CATSPERD: variants seen among roughly 807,000 people sequenced by gnomAD.
CATSPERD encodes catsper channel auxiliary subunit delta.
CATSPERD carries 86 observed loss-of-function variants against 98.1 expected under a neutral mutation model. The observed-to-expected ratio is 0.88, with a 90% CI of 0.74 to 1.05. The LOEUF is 1.05. CATSPERD is among the 50% of genes least tolerant of loss of function. The pLI, the probability that CATSPERD is intolerant of heterozygous loss-of-function variation, is 0.00. For synonymous variants in CATSPERD, 394 were observed against 390.2 expected, an observed-to-expected ratio of 1.01 and a Z score of -0.12; for missense variants, 995 against 1,005.7, an observed-to-expected ratio of 0.99 and a Z score of 0.14.
At chr19:5,778,065 G>A (rs1423688964) in intron 21 of CATSPERD, among the ~76,000 whole-genome samples, 1 of 151,744 alleles carries the variant, frequency 6.6e-6, no homozygotes, top group Non-Finnish European at 1.5e-5. Context: ...AATTAGCCAG[G>A]CATGGTTGGC....
intron 6 of CATSPERD, among the ~76,000 whole-genome samples, chr19:5,738,376 G>T (rs965469776): frequency 6.9e-6 from 1 of 145,962 alleles, no homozygotes; most frequent in Non-Finnish European, 1.5e-5. Context: ...AAAAAGAAAA[G>T]AAAAAAATAG....
In CATSPERD at chr19:5,748,196, A is replaced by G; in HGVS notation, c.845A>G (p.Asp282Gly). Residue 282 changes from aspartate (D) to glycine (G), a missense_variant, in exon 10 of 22, where the codon GAC becomes GGC. Asp to Gly is a moderately conservative substitution (Grantham distance 94). Around this residue, in one of 3 missense-constraint regions of CATSPERD, gnomAD observed 762 missense variants for 773.7 expected, o/e 0.98. Transcript: ENST00000381624. The part of the protein sequence containing the change: ...LVDTVRVKKG[D>G]QTLFSSIFEA... Reference sequence around the variant, plus strand: ...GACACCGTCCGGGTGAAAAAAGGAGACCAGACCTTGTTTTCTTCCATTTTT... The same window carrying G: ...GACACCGTCCGGGTGAAAAAAGGAGGCCAGACCTTGTTTTCTTCCATTTTT... The G allele has an allele frequency of 6.2e-7, 1 of 1,613,776 alleles. No individual in the cohort carries two copies. The highest frequency in any genetic ancestry group is 8.5e-7 in the Non-Finnish European group (1 of 1,179,950).
chr19:5,772,590 A>G (rs1599598546), intron 19 of CATSPERD, among the ~76,000 whole-genome samples, 198 bp from the exon 20 acceptor site: 1 of 151,590 alleles, frequency 6.6e-6, no homozygotes, highest in East Asian at 1.9e-4. Flanking sequence ...CCATCTCCCC[A>G]TGCACCCAGC....
chr19:5,737,245 C>A, intron 6 of CATSPERD, 40 bp downstream of exon 6: 1 of 1,340,876 alleles, frequency 7.5e-7, no homozygotes, highest in South Asian at 1.2e-5. Flanking sequence ...TTTTTGCTCT[C>A]CTCTGAACAC....
chr19:5,772,052 C>CTTTTTTTTTTTT (rs745956659), intron 19 of CATSPERD: 2 of 91,328 alleles, frequency 2.2e-5, no homozygotes, highest in African/African-American at 4.3e-5. Flanking sequence ...TTCCTTTTTT[C>CTTTTTTTTTTTT]TTTTTTTTTT....
chr19:5,742,348 G>A (rs1451517200), intron 7 of CATSPERD, among the ~76,000 whole-genome samples: 1 of 151,698 alleles, frequency 6.6e-6, no homozygotes, highest in East Asian at 1.9e-4. Context: ...ACATGTGTGT[G>A]TGTGCATGTA....
At chr19:5,735,205 T>C (rs971348438) in intron 5 of CATSPERD, among the ~76,000 whole-genome samples, 1 of 152,134 alleles carries the variant, frequency 6.6e-6, no homozygotes, top group African/African-American at 2.4e-5. Context: ...TGGCCCAGTC[T>C]TGGCTCACTG....
At chr19:5,762,910 TAGAG>T (rs2145831263) in intron 15 of CATSPERD, among the ~76,000 whole-genome samples, 1 of 149,760 alleles carries the variant, frequency 6.7e-6, no homozygotes, top group South Asian at 2.1e-4. Flanking sequence ...ATTGGATGGA[TAGAG>T]AGATGAATAG....
At chr19:5,775,526 G>A (rs866652617) in intron 20 of CATSPERD, among the ~76,000 whole-genome samples, 1 of 150,798 alleles carries the variant, frequency 6.6e-6, no homozygotes, top group Non-Finnish European at 1.5e-5. Context: ...GCGGGCACCT[G>A]TAGTCCCAGC....
At chr19:5,773,288 C>T (rs1184729713) in intron 20 of CATSPERD, among the ~76,000 whole-genome samples, 1 of 152,148 alleles carries the variant, frequency 6.6e-6, no homozygotes, top group Non-Finnish European at 1.5e-5. Flanking sequence ...GCAGTGAGCA[C>T]AGATCACGAC....
intron 15 of CATSPERD, among the ~76,000 whole-genome samples, chr19:5,760,422 T>G (rs2056412690): frequency 1.3e-5 from 2 of 148,746 alleles, no homozygotes; most frequent in East Asian, 4.0e-4. Context: ...AGTAAGGGAA[T>G]CCTGACGCAA....
chr19:5,737,092 A>T (rs758737409), intron 5 of CATSPERD, 46 bp from the exon 6 acceptor site: 1 of 1,335,038 alleles, frequency 7.5e-7, no homozygotes, highest in South Asian at 1.2e-5. Flanking sequence ...TTTTCTCCAA[A>T]CTTCAGGGAA....
chr19:5,760,764 C>T (rs1370186478), intron 15 of CATSPERD, among the ~76,000 whole-genome samples: 1 of 151,922 alleles, frequency 6.6e-6, no homozygotes, highest in East Asian at 1.9e-4. Context: ...TGTGACGGCT[C>T]ACGCCTATAA....
At chr19:5,762,058 A>ATTTTT (rs869295948) in intron 15 of CATSPERD, among the ~76,000 whole-genome samples, 9 of 10,436 alleles carry the variant, frequency 8.6e-4, no homozygotes, top group African/African-American at 1.3e-3. Flanking sequence ...ATATATATAT[A>ATTTTT]TTTTTTTTTT....
In CATSPERD at chr19:5,720,791, C is replaced by T; in HGVS notation, c.54C>T (p.Val18=). The change falls in exon 1 of 22, where the codon GTC becomes GTT. Residue 18 remains valine, a synonymous_variant. Coordinates refer to ENST00000381624, the MANE Select transcript of CATSPERD (RefSeq NM_152784.4). The stretch of plus-strand genomic sequence containing the variant: ...TGACCATGTGGCTCCGACCGCTGGT[C>T]ACAGCTCAGCTCTGTCGGTGGGGCT... ...AAVTMWLRPL[V]TAQLCRSRTV... 6.2e-7 allele frequency: 1 copy of T among 1,601,192 alleles called. No individual in the cohort carries two copies. The highest frequency in any genetic ancestry group is 8.5e-7 in the Non-Finnish European group (1 of 1,179,246).
At chr19:5,721,985 G>GAAA (rs747988086) in intron 1 of CATSPERD, among the ~76,000 whole-genome samples, 1 of 111,722 alleles carries the variant, frequency 9.0e-6, no homozygotes, top group African/African-American at 3.2e-5. Flanking sequence ...TGTCTCAAAG[G>GAAA]AAAAAAAAAA....
chr19:5,748,623 CAA>C (rs1179884868), intron 10 of CATSPERD, among the ~76,000 whole-genome samples: 12 of 50,448 alleles, frequency 2.4e-4, no homozygotes, highest in East Asian at 5.9e-4. Context: ...AGTGAGACTC[CAA>C]AAAAAAAAAA....
At chr19:5,728,035 CTA>C (rs1491172493) in intron 3 of CATSPERD, among the ~76,000 whole-genome samples, 4 of 35,206 alleles carry the variant, frequency 1.1e-4, no homozygotes, top group African/African-American at 2.1e-4. Context: ...ATCCCAGTAT[CTA>C]CAAAAAAAAA....
rs1293411879 is a variant in CATSPERD at position 5,727,346 on chromosome 19, T to A, written c.203+2T>A. On this transcript the variant is annotated splice_donor_variant, in intron 3 of 21. Coordinates refer to ENST00000381624, the MANE Select transcript of CATSPERD (RefSeq NM_152784.4). LOFTEE classifies it high-confidence loss of function. ...GAAAAATATAGCACTATATCTAGGG[T>A]AAGTGGCAATTTTATGTACTGTTAC... The A allele has an allele frequency of 1.9e-6, 3 of 1,597,300 alleles. No homozygotes were observed. Among genetic ancestry groups the A allele is most frequent in the Admixed American group, 1.7e-5 (1 of 59,894 alleles).
Sources: allele counts gnomAD v4.1 joint callset (sites outside exome capture counted in the v4.1 genomes callset), GRCh38; gene constraint gnomAD v4.1.1; regional missense constraint gnomAD v4.1.1; transcripts MANE v1.5; gene names NCBI Gene and HGNC (gene_info 2026-07-23, HGNC 2026-07-21).